The following BSN variants were observed in gnomAD, a reference collection of about 807,000 sequenced individuals.
BSN encodes the protein protein bassoon.
BSN carries 57 observed loss-of-function variants against 264.8 expected under a neutral mutation model. The ratio of observed to expected loss-of-function variants is 0.22; its 90% CI spans 0.17 to 0.27. The LOEUF is 0.27. Among genes scored for constraint, BSN ranks in the 10% least tolerant of loss-of-function variants. BSN has a pLI of 1.00. For synonymous variants in BSN, 2,059 were observed against 2,137.3 expected, an observed-to-expected ratio of 0.96 and a Z score of 1.01; for missense variants, 4,615 against 5,232.5, an observed-to-expected ratio of 0.88 and a Z score of 3.64.
chr3:49,654,827 C>A lies in BSN; in HGVS notation c.5271C>A (p.Ser1757Arg), dbSNP rs1340104873. 1 of 1,613,516 alleles carries A rather than the reference C, an allele frequency of 6.2e-7. No individual in the cohort carries two copies. The highest frequency in any genetic ancestry group is 8.5e-7 in the Non-Finnish European group (1 of 1,179,978). ...TGGTCTATGGAGACCCCTACCAGAG[C>A]CGCCTTGACTTTGGCCAGGGTGGGG... ...QPVVYGDPYQ[S>R]RLDFGQGGGS... Residue 1757 changes from serine to arginine, a missense_variant, in exon 5 of 12, where the codon AGC (serine) becomes AGA (arginine). This residue lies in a region of BSN where 3,415 missense variants were observed against 3,866.4 expected (regional missense o/e 0.88). Transcript: ENST00000296452. The surrounding 1 kb of genome is among the most constrained non-coding windows in gnomAD (Gnocchi z 4.1).
chr3:49,592,705 A>C (rs202094470), intron 1 of BSN, among the ~76,000 whole-genome samples: 1 of 151,094 alleles, frequency 6.6e-6, no homozygotes, highest in African/African-American at 2.4e-5. Flanking sequence ...GAGCCGAGAT[A>C]GCGCCGCTGC....
intron 1 of BSN, among the ~76,000 whole-genome samples, chr3:49,566,629 C>CA (rs1235662674): frequency 6.6e-6 from 1 of 151,612 alleles, no homozygotes. Context: ...TACAAAAATA[C>CA]AAAAAAATTA....
chr3:49,581,829 A>G (rs1467863100), intron 1 of BSN, among the ~76,000 whole-genome samples: 1 of 152,186 alleles, frequency 6.6e-6, no homozygotes, highest in Non-Finnish European at 1.5e-5. Flanking sequence ...TCTCAAAAAA[A>G]AACCCAAAAA....
chr3:49,670,215 C>T lies in BSN; in HGVS notation c.*2730C>T, dbSNP rs9861552. 0.99 allele frequency: 151,481 copies of T among 152,458 alleles called. 75,266 individuals carry two copies. Among genetic ancestry groups the T allele is most frequent in the East Asian group, 1 (5,176 of 5,176 alleles). The allele number at this position is 152,458 out of a possible 1,614,324, so 9.4% of individuals were successfully genotyped here. A position where few individuals can be genotyped will look rare whatever the true frequency, so the allele number is the denominator to read the frequency against. On this transcript the variant is annotated 3_prime_UTR_variant, in exon 12 of 12. Coordinates refer to ENST00000296452, the MANE Select transcript of BSN (RefSeq NM_003458.4). ...GAGCAAGGGCTGAGGGAAGCCATCA[C>T]CTAACACCTCTGGCCACCCAGGACC...
intron 1 of BSN, among the ~76,000 whole-genome samples, chr3:49,603,394 G>A (rs1011596130): frequency 4.6e-5 from 7 of 152,144 alleles, no homozygotes; most frequent in Non-Finnish European, 1.0e-4. Context: ...TCCTTCTTTG[G>A]TTCCTGACTT....
chr3:49,661,124 C>G lies in BSN; in HGVS notation c.9279C>G (p.Ala3093=), dbSNP rs1197662005. The G allele has an allele frequency of 6.2e-7, 1 of 1,612,722 alleles. No homozygotes were observed. The highest frequency in any genetic ancestry group is 1.1e-5 in the South Asian group (1 of 91,056). Residue 3093 remains alanine, a synonymous_variant, in exon 6 of 12, where the codon GCC becomes GCG. Transcript: ENST00000296452. ...GCCCCAGCACGTACCCAGCTCCTGCCTTTCCTCCTGGTGCCAGTTACCCAG... is the reference window on the plus strand; with the variant it reads ...GCCCCAGCACGTACCCAGCTCCTGCGTTTCCTCCTGGTGCCAGTTACCCAG... ...YPGPSTYPAP[A]FPPGASYPAE... is the part of the protein sequence containing the mutation.
intron 2 of BSN, among the ~76,000 whole-genome samples, chr3:49,630,599 A>G (rs898022831): frequency 6.6e-6 from 1 of 152,222 alleles, no homozygotes; most frequent in Admixed American, 6.5e-5. Flanking sequence ...TGAGGAGACA[A>G]CAGGCATGGA....
Position 49,625,238 on chromosome 3 carries a change from C to T in BSN, c.488C>T (p.Pro163Leu). ...TSPYSVPQIA[P>L]LPSSTLCPIC... ...CCCTACTCCGTCCCTCAGATCGCCC[C>T]CCTTCCCAGCAGCACGCTGTGTCCC... The change falls in exon 2 of 12, where the codon CCC becomes CTC. Residue 163 changes from proline to leucine, a missense_variant. Pro to Leu is a moderately conservative substitution (Grantham distance 98, BLOSUM62 -3). This residue lies in a region of BSN where 1,197 missense variants were observed against 1,348.0 expected (regional missense o/e 0.89). Transcript: ENST00000296452. The surrounding 1 kb of genome is among the most constrained non-coding windows in gnomAD (Gnocchi z 4.4). 1 of 1,594,014 alleles carries T rather than the reference C, an allele frequency of 6.3e-7. No individual in the cohort carries two copies. Among genetic ancestry groups the T allele is most frequent in the Non-Finnish European group, 8.5e-7 (1 of 1,170,892 alleles).
chr3:49,630,320 G>A (rs924509145), intron 2 of BSN, among the ~76,000 whole-genome samples: 3 of 152,236 alleles, frequency 2.0e-5, no homozygotes, highest in African/African-American at 7.2e-5. Flanking sequence ...AAACAAAATG[G>A]AAGTGGATCT....
Position 49,655,336 on chromosome 3 carries a change from G to A in BSN, c.5780G>A (p.Ser1927Asn), listed in dbSNP as rs2052589296. ...FHPAPSVPEKSMADAAPPGQS... is the reference protein window; with the variant it reads ...FHPAPSVPEKNMADAAPPGQS... ...CCGGCCCCCAGTGTGCCTGAGAAGA[G>A]CATGGCAGATGCTGCCCCACCTGGC... Residue 1927 changes from serine to asparagine, a missense_variant, in exon 5 of 12, where the codon AGC (serine) becomes AAC (asparagine). Physicochemically the swap from Ser to Asn is conservative, Grantham distance 46. Coordinates refer to ENST00000296452, the MANE Select transcript of BSN (RefSeq NM_003458.4). 1 of 1,605,738 alleles carries A rather than the reference G, an allele frequency of 6.2e-7. No homozygotes were observed. The highest frequency in any genetic ancestry group is 8.5e-7 in the Non-Finnish European group (1 of 1,176,102).
chr3:49,569,214 A>G (rs111883602), intron 1 of BSN, among the ~76,000 whole-genome samples: 1 of 152,116 alleles, frequency 6.6e-6, no homozygotes, highest in Admixed American at 6.5e-5. Flanking sequence ...CTGGGTATTC[A>G]AGTCTGGGTT....
chr3:49,654,388 G>A lies in BSN; in HGVS notation c.4832G>A (p.Gly1611Glu). 6.2e-7 allele frequency: 1 copy of A among 1,605,646 alleles called. No homozygotes were observed. The highest frequency in any genetic ancestry group is 8.5e-7 in the Non-Finnish European group (1 of 1,176,572). The change falls in exon 5 of 12, where the codon GGG becomes GAG. Residue 1611 changes from glycine (G) to glutamate (E), a missense_variant. This residue lies in a region of BSN where 3,415 missense variants were observed against 3,866.4 expected (regional missense o/e 0.88). Transcript: ENST00000296452. This position sits in a 1 kb window ranked among gnomAD's most constrained non-coding sequence, Gnocchi z 4.1. ...TCTCAGCTGCCCCCAGAGCCACCTGGGCCACCTGGCTTTCCACGGGTGCCC... is the reference window on the plus strand; with the variant it reads ...TCTCAGCTGCCCCCAGAGCCACCTGAGCCACCTGGCTTTCCACGGGTGCCC... ...SVSQLPPEPP[G>E]PPGFPRVPSA... is the part of the protein sequence containing the mutation.
At chr3:49,621,814 C>T (rs911640965) in intron 1 of BSN, among the ~76,000 whole-genome samples, 2 of 152,246 alleles carry the variant, frequency 1.3e-5, no homozygotes, top group Non-Finnish European at 2.9e-5. Flanking sequence ...ATCTCCTGGG[C>T]TCAAGAGATC....
chr3:49,615,935 G>A (rs2052256406), intron 1 of BSN, among the ~76,000 whole-genome samples: 2 of 152,200 alleles, frequency 1.3e-5, no homozygotes, highest in Admixed American at 6.5e-5. Context: ...CATATGCCAA[G>A]GGGTTGAGGA....
chr3:49,581,851 A>T (rs550583736), intron 1 of BSN, among the ~76,000 whole-genome samples: 2 of 152,224 alleles, frequency 1.3e-5, no homozygotes, highest in South Asian at 4.2e-4. Flanking sequence ...CAAAACAAAA[A>T]AAAACAAACT....
chr3:49,636,026 C>G (rs1188465441), intron 2 of BSN, among the ~76,000 whole-genome samples: 1 of 151,778 alleles, frequency 6.6e-6, no homozygotes, highest in Non-Finnish European at 1.5e-5. Context: ...CTAAGCACTT[C>G]AAGCGTATCA....
Position 49,638,198 on chromosome 3 carries a change from A to G in BSN, c.634-4070A>G, listed in dbSNP as rs891959017. On this transcript the variant is annotated intron_variant, in intron 2 of 11. Transcript: ENST00000296452. The surrounding 1 kb of genome is among the most constrained non-coding windows in gnomAD (Gnocchi z 4.3). ...AGCCACAGGGAGCCTTCTGGGTTCA[A>G]CCTCTTGATGAGGAGGCATCACTGT... Among the ~76,000 whole-genome samples, 2 of 151,602 alleles carry G rather than the reference A, an allele frequency of 1.3e-5. No individual in the cohort carries two copies. Among genetic ancestry groups the G allele is most frequent in the East Asian group, 1.9e-4 (1 of 5,144 alleles).
At chr3:49,556,372 A>G (rs1164774406) in intron 1 of BSN, among the ~76,000 whole-genome samples, 1 of 152,218 alleles carries the variant, frequency 6.6e-6, no homozygotes, top group Admixed American at 6.5e-5. Flanking sequence ...AAGGAGGCTG[A>G]TGTCTATTGC....
At position 49,661,636 on chromosome 3, in the gene BSN, G is replaced by A. The variant is rs200886527; in HGVS notation, c.9791G>A (p.Arg3264His). The change falls in exon 6 of 12, where the codon CGT becomes CAT. Residue 3264 changes from arginine (R) to histidine (H), a missense_variant. By Grantham distance (29) the Arg-to-His change is conservative. Around this residue, in one of 3 missense-constraint regions of BSN, gnomAD observed 3,415 missense variants for 3,866.4 expected, o/e 0.88. Coordinates refer to ENST00000296452, the MANE Select transcript of BSN (RefSeq NM_003458.4). ...LEPLGPGSSG[R>H]PGKEPGEPGV... ...CCCCTGGGGCCAGGCAGCAGTGGGC[G>A]TCCAGGGAAGGAGCCTGGAGAACCA... 19 of 1,613,570 alleles carry A rather than the reference G, an allele frequency of 1.2e-5. No homozygotes were observed. The highest frequency in any genetic ancestry group is 4.5e-5 in the East Asian group (2 of 44,894).
Sources: allele counts gnomAD v4.1 joint callset (sites outside exome capture counted in the v4.1 genomes callset), GRCh38; gene constraint gnomAD v4.1.1; regional missense constraint gnomAD v4.1.1; non-coding constraint Gnocchi (gnomAD v3.1); transcripts MANE v1.5; gene names NCBI Gene and HGNC (gene_info 2026-07-23, HGNC 2026-07-21).